SMDT1: variants seen among roughly 807,000 people sequenced by gnomAD.
SMDT1 encodes the protein single-pass membrane protein with aspartate rich tail 1, also known as essential MCU regulator, mitochondrial.
A neutral mutation model predicts 5.9 loss-of-function variants in SMDT1; 6 were observed. That is an observed-to-expected ratio of 1.03 (90% CI 0.56 to 2.02). SMDT1 has a LOEUF of 2.02. Ranked by LOEUF, SMDT1 falls within the 30% of genes most tolerant of loss-of-function variation. SMDT1 has a pLI of 0.00. For synonymous variants in SMDT1, 81 were observed against 62.4 expected (o/e 1.30, Z -1.40); for missense variants, 159 against 145.6 (o/e 1.09, Z -0.47).
chr22:42,081,424 C>G (rs1740136458), intron 1 of SMDT1, among the ~76,000 whole-genome samples: 1 of 151,952 alleles, frequency 6.6e-6, no homozygotes, highest in Non-Finnish European at 1.5e-5. Flanking sequence ...CTCAGCCTCC[C>G]AAAGTGCTGG....
intron 1 of SMDT1, among the ~76,000 whole-genome samples, chr22:42,081,252 G>A (rs1391514013): frequency 2.0e-5 from 3 of 151,082 alleles, no homozygotes; most frequent in East Asian, 3.9e-4. Context: ...TGCAGCCTCC[G>A]CCTCCCGGGT....
chr22:42,083,670 C>T lies in SMDT1; in HGVS notation c.*555C>T, dbSNP rs991964260. ...AATATAACTAGAATGATTCAAAACT[C>T]GGGTTCTGTGATATGAGGATATAGA... On this transcript the variant is annotated 3_prime_UTR_variant, in exon 3 of 3. Coordinates refer to ENST00000331479, the MANE Select transcript of SMDT1 (RefSeq NM_033318.5). 2 of 152,156 alleles carry T rather than the reference C, an allele frequency of 1.3e-5. No homozygotes were observed. Among genetic ancestry groups the T allele is most frequent in the Admixed American group, 6.5e-5 (1 of 15,272 alleles). The allele number at this position is 152,156 out of a possible 1,614,324, so 9.4% of individuals were successfully genotyped here. A position where few individuals can be genotyped will look rare whatever the true frequency, so the allele number is the denominator to read the frequency against.
At position 42,083,743 on chromosome 22, in the gene SMDT1, T is replaced by C. The variant is rs1189220812; in HGVS notation, c.*628T>C. On this transcript the variant is annotated 3_prime_UTR_variant, in exon 3 of 3. Coordinates refer to ENST00000331479, the MANE Select transcript of SMDT1 (RefSeq NM_033318.5). ...CTTATAACTCCCAAAACCCTTGTTT[T>C]AGGCTTTTGTTATAATGTTGGGCAC... 1 of 152,202 alleles carries C rather than the reference T, an allele frequency of 6.6e-6. No homozygotes were observed. Among genetic ancestry groups the C allele is most frequent in the Non-Finnish European group, 1.5e-5 (1 of 68,024 alleles). The allele number at this position is 152,202 out of a possible 1,614,324, so 9.4% of individuals were successfully genotyped here. A position where few individuals can be genotyped will look rare whatever the true frequency, so the allele number is the denominator to read the frequency against.
At chr22:42,082,492 C>T (rs555798471) in intron 2 of SMDT1, among the ~76,000 whole-genome samples, 7 of 152,348 alleles carry the variant, frequency 4.6e-5, no homozygotes, top group South Asian at 2.1e-4. Flanking sequence ...TGAGCCACTG[C>T]GCCCAGCCAA....
chr22:42,080,029 T>C, intron 1 of SMDT1, 75 bp downstream of exon 1: 1 of 1,470,072 alleles, frequency 6.8e-7, no homozygotes, highest in South Asian at 1.3e-5. Context: ...GCGGCGCTGA[T>C]TGATAGGAGC....
At chr22:42,082,789 G>T (rs1032733856) in intron 2 of SMDT1, among the ~76,000 whole-genome samples, 1 of 152,068 alleles carries the variant, frequency 6.6e-6, no homozygotes, top group Non-Finnish European at 1.5e-5. Context: ...TGAAGTCTTC[G>T]TTCCTCCTTT....
chr22:42,082,987 A>G (rs558159023), intron 2 of SMDT1, 132 bp from the exon 3 acceptor site: 1 of 152,340 alleles, frequency 6.6e-6, no homozygotes, highest in Admixed American at 6.5e-5. Flanking sequence ...TAACGTGCGC[A>G]TGAACAACCA....
Position 42,079,816 on chromosome 22 carries a change from C to CG in SMDT1, c.52dup (p.Ala18GlyfsTer7). The CG allele has an allele frequency of 6.2e-7, 1 of 1,612,744 alleles. No individual in the cohort carries two copies. Among genetic ancestry groups the CG allele is most frequent in the Non-Finnish European group, 8.5e-7 (1 of 1,179,870 alleles). On this transcript the variant is annotated frameshift_variant, in exon 1 of 3. Coordinates refer to ENST00000331479, the MANE Select transcript of SMDT1 (RefSeq NM_033318.5). LOFTEE classifies it high-confidence loss of function. The stretch of plus-strand genomic sequence containing the variant: ...GGCTAGTATTGGCACCCGTCAGGTC[C>CG]GGGGCTCTCCGGAGCGGGCCTAGCT...
At position 42,079,922 on chromosome 22, in the gene SMDT1, C is replaced by T. The variant is rs754820169; in HGVS notation, c.154C>T (p.Arg52Cys). 3.7e-6 allele frequency: 6 copies of T among 1,613,348 alleles called. No individual in the cohort carries two copies. The highest frequency in any genetic ancestry group is 5.1e-6 in the Non-Finnish European group (6 of 1,179,720). Reference protein sequence around the residue: ...LVPSRSVIVTRSGAILPKPVK... With the variant: ...LVPSRSVIVTCSGAILPKPVK... ...ACCGTCGAGGTCAGTCATCGTTACC[C>T]GCAGCGGCGCCATTTTGCCCAAACC... The change falls in exon 1 of 3, where the codon CGC (arginine) becomes TGC (cysteine). Residue 52 changes from arginine to cysteine, a missense_variant. Physicochemically the swap from Arg to Cys is radical, Grantham distance 180. Transcript: ENST00000331479.
Position 42,083,193 on chromosome 22 carries a change from A to G in SMDT1, c.*78A>G, listed in dbSNP as rs994569869. On this transcript the variant is annotated 3_prime_UTR_variant, in exon 3 of 3. Transcript: ENST00000331479. ...GTTTCTCTGCCTTCCCTATCAGCAGAAAGGCTCGGGGAAGGCCCTCAGCCT... is the reference window on the plus strand; with the variant it reads ...GTTTCTCTGCCTTCCCTATCAGCAGGAAGGCTCGGGGAAGGCCCTCAGCCT... 4 of 152,640 alleles carry G rather than the reference A, an allele frequency of 2.6e-5. No individual in the cohort carries two copies. Among genetic ancestry groups the G allele is most frequent in the Admixed American group, 1.3e-4 (2 of 15,280 alleles). The allele number at this position is 152,640 out of a possible 1,614,324, so 9.5% of individuals were successfully genotyped here.
At position 42,079,896 on chromosome 22, in the gene SMDT1, T is replaced by C; in HGVS notation, c.128T>C (p.Val43Ala). 6.2e-7 allele frequency: 1 copy of C among 1,614,142 alleles called. No homozygotes were observed. Among genetic ancestry groups the C allele is most frequent in the South Asian group, 1.1e-5 (1 of 91,074 alleles). ...TGGAGCGGCTCAGGCCGGAGCCTGG[T>C]ACCGTCGAGGTCAGTCATCGTTACC... The part of the protein sequence containing the change: ...AAWSGSGRSL[V>A]PSRSVIVTRS... The change falls in exon 1 of 3, where the codon GTA becomes GCA. Residue 43 changes from valine (V) to alanine (A), a missense_variant. Physicochemically the swap from Val to Ala is moderately conservative, Grantham distance 64. Transcript: ENST00000331479.
rs1323002702 is a variant in SMDT1, at chr22:42,083,299, C to T, written c.*184C>T. 6.6e-6 allele frequency: 1 copy of T among 152,600 alleles called. No individual in the cohort carries two copies. The highest frequency in any genetic ancestry group is 2.4e-5 in the African/African-American group (1 of 41,434). 9.5% of individuals were successfully genotyped at this position (152,600 alleles called of 1,614,324 possible). On this transcript the variant is annotated 3_prime_UTR_variant, in exon 3 of 3. Coordinates refer to ENST00000331479, the MANE Select transcript of SMDT1 (RefSeq NM_033318.5). ...GGGAGGCTCCCTGAGATGTGCTGTC[C>T]ACTAAGCACTGCACAAACAAGCAAT...
chr22:42,081,479 T>C (rs1004594510), intron 1 of SMDT1, among the ~76,000 whole-genome samples: 1 of 147,798 alleles, frequency 6.8e-6, no homozygotes, highest in Non-Finnish European at 1.5e-5. Flanking sequence ...GTCTTTTTTT[T>C]AGACAGAGCC....
chr22:42,079,805 C>T lies in SMDT1; in HGVS notation c.37C>T (p.Pro13Ser), dbSNP rs766918669. Residue 13 changes from proline (P) to serine (S), a missense_variant, in exon 1 of 3, where the codon CCC becomes TCC. By Grantham distance (74) the Pro-to-Ser change is moderately conservative. Coordinates refer to ENST00000331479, the MANE Select transcript of SMDT1 (RefSeq NM_033318.5). ...AGCGGCTCGCTGGCTAGTATTGGCA[C>T]CCGTCAGGTCCGGGGCTCTCCGGAG... ...SGAARWLVLAPVRSGALRSGP... is the reference protein window; with the variant it reads ...SGAARWLVLASVRSGALRSGP... The T allele has an allele frequency of 5.6e-6, 9 of 1,611,308 alleles. No homozygotes were observed. Among genetic ancestry groups the T allele is most frequent in the African/African-American group, 1.3e-5 (1 of 74,924 alleles).
chr22:42,080,373 C>T (rs1449599288), intron 1 of SMDT1, among the ~76,000 whole-genome samples: 1 of 152,130 alleles, frequency 6.6e-6, no homozygotes, highest in Non-Finnish European at 1.5e-5. Context: ...TAGTTGTCAC[C>T]TAATATTTAA....
rs1927830304 is a variant in SMDT1, at chr22:42,082,064, A to G, written c.*2A>G. The stretch of plus-strand genomic sequence containing the variant: ...GAGGATGATGATGATGATGACTAAC[A>G]GGTAAGACTTGCTTTACCCTAGATG... On this transcript the variant is annotated splice_region_variant and 3_prime_UTR_variant, in exon 2 of 3. Transcript: ENST00000331479. 1 of 1,610,988 alleles carries G rather than the reference A, an allele frequency of 6.2e-7. No individual in the cohort carries two copies.
At position 42,079,896 on chromosome 22, in the gene SMDT1, T is replaced by A. The variant is rs1417272897; in HGVS notation, c.128T>A (p.Val43Glu). 1 of 1,614,024 alleles carries A rather than the reference T, an allele frequency of 6.2e-7. No homozygotes were observed. The highest frequency in any genetic ancestry group is 1.1e-5 in the South Asian group (1 of 91,078). ...TGGAGCGGCTCAGGCCGGAGCCTGG[T>A]ACCGTCGAGGTCAGTCATCGTTACC... ...AAWSGSGRSL[V>E]PSRSVIVTRS... is the part of the protein sequence containing the mutation. Residue 43 changes from valine (V) to glutamate (E), a missense_variant, in exon 1 of 3, where the codon GTA becomes GAA. Coordinates refer to ENST00000331479, the MANE Select transcript of SMDT1 (RefSeq NM_033318.5).
chr22:42,079,799 T>C lies in SMDT1; in HGVS notation c.31T>C (p.Leu11=), dbSNP rs1297396650. 3 of 1,610,684 alleles carry C rather than the reference T, an allele frequency of 1.9e-6. No homozygotes were observed. Among genetic ancestry groups the C allele is most frequent in the Non-Finnish European group, 2.5e-6 (3 of 1,179,684 alleles). Residue 11 remains leucine (L), a synonymous_variant, in exon 1 of 3, where the codon TTG becomes CTG. Transcript: ENST00000331479. MASGAARWLV[L]APVRSGALRS... ...GTCCGGAGCGGCTCGCTGGCTAGTA[T>C]TGGCACCCGTCAGGTCCGGGGCTCT...
At chr22:42,080,755 T>C (rs1247351199) in intron 1 of SMDT1, among the ~76,000 whole-genome samples, 1 of 152,174 alleles carries the variant, frequency 6.6e-6, no homozygotes, top group Non-Finnish European at 1.5e-5. Context: ...ATCAAAACAG[T>C]TGAAAAAAAA....
Sources: gnomAD v4.1 joint callset for allele counts (sites outside exome capture counted in the v4.1 genomes callset) on GRCh38, gnomAD v4.1.1 for gene constraint, MANE v1.5 for transcripts, NCBI Gene and HGNC (gene_info 2026-07-23, HGNC 2026-07-21) for gene names.